SUGCT: variants seen among roughly 807,000 people sequenced by gnomAD.
The protein encoded by SUGCT is succinyl-CoA:glutarate-CoA transferase.
Under a neutral mutation model 55.0 loss-of-function variants are expected in SUGCT, and 41 were observed. The ratio of observed to expected loss-of-function variants is 0.74; its 90% CI spans 0.58 to 0.97. The LOEUF is 0.97. Among genes scored for constraint, SUGCT ranks in the 50% least tolerant of loss-of-function variants. SUGCT has a pLI of 0.00. For synonymous variants in SUGCT, 187 were observed against 200.4 expected (o/e 0.93, Z 0.56); for missense variants, 568 against 547.8 (o/e 1.04, Z -0.37).
At chr7:40,443,629 G>A (rs1788641880) in intron 9 of SUGCT, among the ~76,000 whole-genome samples, 1 of 152,174 alleles carries the variant, frequency 6.6e-6, no homozygotes, top group Admixed American at 6.5e-5. Flanking sequence ...TTAGCCATTT[G>A]TGTGATGGGT....
intron 7 of SUGCT, among the ~76,000 whole-genome samples, chr7:40,272,189 T>TACAC (rs1192177785): frequency 1.4e-5 from 1 of 72,092 alleles, no homozygotes; most frequent in African/African-American, 5.7e-5. Context: ...TATATATATA[T>TACAC]ATATACAGGG....
intron 1 of SUGCT, among the ~76,000 whole-genome samples, chr7:40,173,297 A>G (rs1274393115): frequency 4.6e-5 from 7 of 152,244 alleles, no homozygotes; most frequent in African/African-American, 1.2e-4. Flanking sequence ...TGGGTGCCTC[A>G]CTGGATCAGA....
At chr7:40,646,049 C>T (rs1029142284) in intron 12 of SUGCT, among the ~76,000 whole-genome samples, 2 of 152,184 alleles carry the variant, frequency 1.3e-5, no homozygotes, top group Non-Finnish European at 2.9e-5. Context: ...CAGATACCCC[C>T]AACAAGATTT....
chr7:40,936,059 T>G, the SUGCT span, among the ~76,000 whole-genome samples: 1 of 152,174 alleles, frequency 6.6e-6, no homozygotes, highest in African/African-American at 2.4e-5. Flanking sequence ...ATTCAAATCC[T>G]TTGCCCATTT....
intron 13 of SUGCT, chr7:40,775,661 T>C (rs1789411514): frequency 6.6e-6 from 1 of 152,204 alleles, no homozygotes; most frequent in South Asian, 2.1e-4. Flanking sequence ...CTTATGCCTT[T>C]TAGAGCACAA....
chr7:40,992,810 G>A, the SUGCT span, among the ~76,000 whole-genome samples: 1 of 152,152 alleles, frequency 6.6e-6, no homozygotes, highest in Non-Finnish European at 1.5e-5. Context: ...TACCTGTAAT[G>A]TGGGTACAAG....
intron 9 of SUGCT, among the ~76,000 whole-genome samples, chr7:40,429,415 GA>G (rs1308249868): frequency 6.6e-6 from 1 of 152,144 alleles, no homozygotes; most frequent in Non-Finnish European, 1.5e-5. Context: ...ATCACAAGGT[GA>G]AGTCCCACTA....
chr7:40,630,001 G>T (rs1033828412), intron 12 of SUGCT, among the ~76,000 whole-genome samples: 2 of 152,138 alleles, frequency 1.3e-5, no homozygotes, highest in African/African-American at 4.8e-5. Flanking sequence ...GAACGGTTTT[G>T]GGGATTACCA....
chr7:40,869,643 A>T, the SUGCT span, among the ~76,000 whole-genome samples: 4 of 150,884 alleles, frequency 2.7e-5, no homozygotes, highest in Admixed American at 1.3e-4. Context: ...CTATGCAGTG[A>T]CAGAAAATGA....
chr7:40,403,704 T>C (rs1234036913), intron 9 of SUGCT, among the ~76,000 whole-genome samples: 1 of 152,216 alleles, frequency 6.6e-6, no homozygotes, highest in African/African-American at 2.4e-5. Flanking sequence ...CTGCTTTCCA[T>C]GTGATTAGAT....
At chr7:40,381,463 C>T (rs1243447561) in intron 9 of SUGCT, among the ~76,000 whole-genome samples, 2 of 19,650 alleles carry the variant, frequency 1.0e-4, no homozygotes, top group Non-Finnish European at 4.2e-4. Flanking sequence ...CTTTAAAACT[C>T]CAATCTTAAA....
At chr7:40,885,137 C>T in the SUGCT span, among the ~76,000 whole-genome samples, 1 of 152,130 alleles carries the variant, frequency 6.6e-6, no homozygotes, top group Admixed American at 6.5e-5. Flanking sequence ...GGAATAGTGG[C>T]CGAGGTTATG....
At chr7:40,540,009 G>T (rs1453971431) in intron 12 of SUGCT, among the ~76,000 whole-genome samples, 1 of 152,142 alleles carries the variant, frequency 6.6e-6, no homozygotes, top group Non-Finnish European at 1.5e-5. Context: ...GAGGTCAAGA[G>T]ACTTGCTTGA....
At chr7:40,190,540 C>T (rs1022476214) in intron 5 of SUGCT, among the ~76,000 whole-genome samples, 3 of 152,068 alleles carry the variant, frequency 2.0e-5, no homozygotes, top group South Asian at 4.2e-4. Flanking sequence ...TGAGCCACCG[C>T]GCCCAGCCCA....
At chr7:40,336,970 A>G (rs1403185881) in intron 9 of SUGCT, among the ~76,000 whole-genome samples, 1 of 152,208 alleles carries the variant, frequency 6.6e-6, no homozygotes, top group African/African-American at 2.4e-5. Flanking sequence ...ATTGGTTTCA[A>G]AGAACATCTT....
At chr7:40,783,156 A>G (rs1563001664) in intron 13 of SUGCT, among the ~76,000 whole-genome samples, 1 of 152,132 alleles carries the variant, frequency 6.6e-6, no homozygotes, top group Non-Finnish European at 1.5e-5. Flanking sequence ...GTCTTTTGTG[A>G]CAAACTCTGG....
the SUGCT span, among the ~76,000 whole-genome samples, chr7:41,024,680 A>T: frequency 6.9e-6 from 1 of 144,226 alleles, no homozygotes; most frequent in African/African-American, 2.6e-5. Context: ...AAAAAAAAGG[A>T]TGCCTCGTTA....
intron 13 of SUGCT, among the ~76,000 whole-genome samples, chr7:40,827,825 TC>T (rs1490500218): frequency 6.6e-6 from 1 of 151,270 alleles, no homozygotes; most frequent in African/African-American, 2.4e-5. Flanking sequence ...ATAACAAAAC[TC>T]CCCCACACCA....
At chr7:40,604,102 G>T (rs1474403913) in intron 12 of SUGCT, among the ~76,000 whole-genome samples, 1 of 151,902 alleles carries the variant, frequency 6.6e-6, no homozygotes, top group African/African-American at 2.4e-5. Context: ...TCAATGTGGG[G>T]GTAAAATTCC....
Sources: gnomAD v4.1 joint callset for allele counts (sites outside exome capture counted in the v4.1 genomes callset) on GRCh38, gnomAD v4.1.1 for gene constraint, MANE v1.5 for transcripts, NCBI Gene and HGNC (gene_info 2026-07-23, HGNC 2026-07-21) for gene names.